DENND2A: variants seen among roughly 807,000 people sequenced by gnomAD.
DENND2A encodes the protein DENN domain containing 2A.
In DENND2A, 53 loss-of-function variants were observed where a neutral mutation model predicts 105.3. The observed-to-expected ratio is 0.50, with a 90% CI of 0.40 to 0.63. The LOEUF (loss-of-function observed/expected upper bound fraction) is 0.63, where lower values mean the gene tolerates loss of function less well. DENND2A is among the 30% of genes least tolerant of loss of function. The pLI is 0.00. For missense variants in DENND2A, 1,138 were observed against 1,279.6 expected, an observed-to-expected ratio of 0.89 and a Z score of 1.69; for synonymous variants, 522 against 508.4, an observed-to-expected ratio of 1.03 and a Z score of -0.36.
chr7:140,519,522 A>C, intron 19 of DENND2A, 110 bp downstream of exon 19: 22 of 877,898 alleles, frequency 2.5e-5, no homozygotes, highest in Non-Finnish European at 3.9e-5. Flanking sequence ...CGCAGGCCGT[A>C]GAGCTCTGCA....
intron 1 of DENND2A, among the ~76,000 whole-genome samples, chr7:140,620,048 T>C (rs1047315907): frequency 1.6e-4 from 25 of 151,550 alleles, no homozygotes; most frequent in Admixed American, 1.6e-3. Flanking sequence ...CCAAAAAAAT[T>C]AGGCGGGCAT....
Position 140,568,887 on chromosome 7 carries a change from G to A in DENND2A, c.1541-74C>T, listed in dbSNP as rs1797977741. On this transcript the variant is annotated intron_variant, in intron 7 of 19. Coordinates refer to ENST00000496613, the MANE Select transcript of DENND2A (RefSeq NM_015689.5). ...TGTAGGAAACTCTTTCTATGTGGTA[G>A]CACAGATCAAATGTTCTAATTCAGA... 6.2e-6 allele frequency: 9 copies of A among 1,443,188 alleles called. No homozygotes were observed. In the South Asian group the frequency reaches 9.2e-5, roughly 15 times the overall value. 89.4% of individuals were successfully genotyped at this position (1,443,188 alleles called of 1,614,324 possible). A position where few individuals can be genotyped will look rare whatever the true frequency, so the allele number is the denominator to read the frequency against.
At chr7:140,546,037 G>A (rs1346672820) in intron 13 of DENND2A, among the ~76,000 whole-genome samples, 1 of 152,160 alleles carries the variant, frequency 6.6e-6, no homozygotes, top group East Asian at 1.9e-4. Flanking sequence ...CTCTGAAACT[G>A]AAGACTCAAG....
At chr7:140,638,367 G>A (rs1801032382) in intron 1 of DENND2A, among the ~76,000 whole-genome samples, 1 of 152,132 alleles carries the variant, frequency 6.6e-6, no homozygotes, top group Admixed American at 6.6e-5. Flanking sequence ...GTACATACTT[G>A]CTTTTAGTCT....
chr7:140,528,264 T>G (rs562466130), intron 14 of DENND2A, among the ~76,000 whole-genome samples: 1 of 152,344 alleles, frequency 6.6e-6, no homozygotes, highest in Admixed American at 6.5e-5. Context: ...ACTGAAGATC[T>G]GAAGATGCTT....
At chr7:140,586,945 G>A (rs766762327) in intron 4 of DENND2A, among the ~76,000 whole-genome samples, 1 of 152,010 alleles carries the variant, frequency 6.6e-6, no homozygotes, top group East Asian at 1.9e-4. Context: ...CCTTTCACCC[G>A]CACCGTAAGC....
intron 1 of DENND2A, among the ~76,000 whole-genome samples, chr7:140,634,256 C>T (rs990804559): frequency 6.6e-6 from 1 of 152,170 alleles, no homozygotes; most frequent in African/African-American, 2.4e-5. Context: ...CCTTGGCCTC[C>T]CGAAGTGCTG....
chr7:140,619,562 C>T (rs983301805), intron 1 of DENND2A, among the ~76,000 whole-genome samples: 2 of 151,740 alleles, frequency 1.3e-5, no homozygotes, highest in South Asian at 4.2e-4. Flanking sequence ...TGCAGTGGTG[C>T]AATCTCAGCT....
intron 1 of DENND2A, among the ~76,000 whole-genome samples, chr7:140,626,229 C>G (rs1800520429): frequency 6.6e-6 from 1 of 152,212 alleles, no homozygotes; most frequent in African/African-American, 2.4e-5. Context: ...AGCACCCAGT[C>G]TCCTCCCTTC....
chr7:140,520,756 A>T (rs139930134), intron 18 of DENND2A, among the ~76,000 whole-genome samples: 1,690 of 150,346 alleles, frequency 0.011, 35 homozygotes, highest in African/African-American at 0.038. Context: ...ACAGGGTTTC[A>T]CCAAGTTGGC....
At chr7:140,537,085 C>T (rs895210164) in intron 14 of DENND2A, among the ~76,000 whole-genome samples, 1 of 152,220 alleles carries the variant, frequency 6.6e-6, no homozygotes, top group African/African-American at 2.4e-5. Flanking sequence ...AGCAAGGTGG[C>T]AGCTTTAAAC....
intron 3 of DENND2A, among the ~76,000 whole-genome samples, chr7:140,592,671 C>T (rs968337964): frequency 2.6e-5 from 4 of 151,780 alleles, no homozygotes; most frequent in African/African-American, 9.7e-5. Context: ...GCGATCTCAG[C>T]TCACTGCAAC....
intron 1 of DENND2A, among the ~76,000 whole-genome samples, chr7:140,639,295 T>C (rs1801085530): frequency 6.6e-6 from 1 of 152,016 alleles, no homozygotes; most frequent in East Asian, 1.9e-4. Flanking sequence ...GAGGTTGCAG[T>C]GGGTCGAGAT....
intron 12 of DENND2A, among the ~76,000 whole-genome samples, chr7:140,555,059 C>T (rs746286986): frequency 9.2e-5 from 14 of 151,792 alleles, no homozygotes; most frequent in Non-Finnish European, 1.9e-4. Context: ...GGTCTTCCAC[C>T]CCTCCCTTTC....
At chr7:140,629,070 T>C (rs1380846773) in intron 1 of DENND2A, among the ~76,000 whole-genome samples, 1 of 152,186 alleles carries the variant, frequency 6.6e-6, no homozygotes, top group Non-Finnish European at 1.5e-5. Flanking sequence ...GTTCAGGGAA[T>C]GCCTGACACG....
chr7:140,564,097 T>C (rs1183327726), intron 9 of DENND2A, among the ~76,000 whole-genome samples: 3 of 151,996 alleles, frequency 2.0e-5, no homozygotes, highest in Admixed American at 6.6e-5. Flanking sequence ...AGTCTGACCA[T>C]TATGGTGAAA....
chr7:140,598,314 T>G (rs1422086365), intron 3 of DENND2A, among the ~76,000 whole-genome samples: 1 of 152,188 alleles, frequency 6.6e-6, no homozygotes, highest in Non-Finnish European at 1.5e-5. Context: ...TAAATATAAA[T>G]GGACACTAAC....
chr7:140,559,735 T>C lies in DENND2A; in HGVS notation c.1862A>G (p.Asp621Gly). ...IPQFCFPDAKDWVPVQQFTSE... is the reference protein window; with the variant it reads ...IPQFCFPDAKGWVPVQQFTSE... ...GGTGAACTGCTGGACAGGAACCCAA[T>C]CCTTGGCATCGGGAAAACAGAACTG... Residue 621 changes from aspartate to glycine, a missense_variant, in exon 10 of 20, where the codon GAT becomes GGT. This residue lies in a region of DENND2A where 627 missense variants were observed against 779.8 expected (regional missense o/e 0.80). Transcript: ENST00000496613. This position sits in a 1 kb window ranked among gnomAD's most constrained non-coding sequence, Gnocchi z 4.1. 2 of 1,614,118 alleles carry C rather than the reference T, an allele frequency of 1.2e-6. No individual in the cohort carries two copies. The highest frequency in any genetic ancestry group is 1.7e-6 in the Non-Finnish European group (2 of 1,180,002).
chr7:140,633,920 C>G (rs1238678867), intron 1 of DENND2A, among the ~76,000 whole-genome samples: 1 of 151,988 alleles, frequency 6.6e-6, no homozygotes, highest in Non-Finnish European at 1.5e-5. Context: ...AATGCTGCCA[C>G]AAATACTCTC....
Sources: allele counts gnomAD v4.1 joint callset (sites outside exome capture counted in the v4.1 genomes callset), GRCh38; gene constraint gnomAD v4.1.1; regional missense constraint gnomAD v4.1.1; non-coding constraint Gnocchi (gnomAD v3.1); transcripts MANE v1.5; gene names NCBI Gene and HGNC (gene_info 2026-07-23, HGNC 2026-07-21).